The following AKR1C4 variants were observed in gnomAD, a reference collection of about 807,000 sequenced individuals.
AKR1C4 encodes 3-alpha-HSD1.
Under a neutral mutation model 41.0 loss-of-function variants are expected in AKR1C4, and 44 were observed. The observed-to-expected ratio is 1.07, with a 90% CI of 0.84 to 1.38. AKR1C4 has a LOEUF of 1.38. Ranked by LOEUF, AKR1C4 falls within the 40% of genes most tolerant of loss-of-function variation. The pLI, the probability that AKR1C4 is intolerant of heterozygous loss-of-function variation, is 0.00. For synonymous variants in AKR1C4, 165 were observed against 137.7 expected, an observed-to-expected ratio of 1.20 and a Z score of -1.39; for missense variants, 438 against 387.9, an observed-to-expected ratio of 1.13 and a Z score of -1.09.
intron 8 of AKR1C4, among the ~76,000 whole-genome samples, chr10:5,217,022 C>A (rs1437602146): frequency 1.3e-5 from 2 of 152,212 alleles, no homozygotes; most frequent in Non-Finnish European, 2.9e-5. Flanking sequence ...TCTCCTGACT[C>A]CATGGAAATT....
intron 1 of AKR1C4, 116 bp from the exon 2 acceptor site, chr10:5,200,065 C>T: frequency 7.4e-7 from 1 of 1,358,030 alleles, no homozygotes; most frequent in East Asian, 2.4e-5. Context: ...CAGCGGGGGC[C>T]TGAAGAAGCG....
At chr10:5,201,351 TATTA>T (rs1336622712) in intron 2 of AKR1C4, among the ~76,000 whole-genome samples, 2 of 152,166 alleles carry the variant, frequency 1.3e-5, no homozygotes, top group African/African-American at 2.4e-5. Context: ...CTTCCCTGAT[TATTA>T]GTTATGTTGA....
At position 5,218,684 on chromosome 10, in the gene AKR1C4, A is replaced by G. The variant is rs567899942; in HGVS notation, c.930-34A>G. 4 of 1,529,046 alleles carry G rather than the reference A, an allele frequency of 2.6e-6. No individual in the cohort carries two copies. In the Admixed American group the frequency reaches 6.7e-5, roughly 26 times the overall value. 94.7% of individuals were successfully genotyped at this position (1,529,046 alleles called of 1,614,324 possible). ...ACCAGCTTTTTAATAGAGTCATTTC[A>G]TCCATATTTATGTACTATCCTTTCT... On this transcript the variant is annotated intron_variant, in intron 8 of 8. Coordinates refer to ENST00000263126, the MANE Select transcript of AKR1C4 (RefSeq NM_001818.5).
At chr10:5,211,090 C>A (rs537337052) in intron 5 of AKR1C4, among the ~76,000 whole-genome samples, 1 of 152,188 alleles carries the variant, frequency 6.6e-6, no homozygotes, top group Admixed American at 6.5e-5. Context: ...AGAATGGAGA[C>A]CCTGGGCCCA....
chr10:5,202,939 T>TG (rs1832423115), intron 2 of AKR1C4, among the ~76,000 whole-genome samples: 1 of 139,190 alleles, frequency 7.2e-6, no homozygotes, highest in African/African-American at 2.8e-5. Context: ...TAGTTTTCTT[T>TG]TGTGTGTGTG....
At chr10:5,212,369 T>G (rs1485796202) in intron 5 of AKR1C4, among the ~76,000 whole-genome samples, 4 of 152,200 alleles carry the variant, frequency 2.6e-5, no homozygotes, top group Non-Finnish European at 1.5e-5. Flanking sequence ...ATTGGCCATG[T>G]GCACTTCTAG....
chr10:5,200,230 G>A lies in AKR1C4; in HGVS notation c.134G>A (p.Gly45Asp), dbSNP rs1554796766. Residue 45 changes from glycine to aspartate, a missense_variant, in exon 2 of 9, where the codon GGC (glycine) becomes GAC (aspartate). Coordinates refer to ENST00000263126, the MANE Select transcript of AKR1C4 (RefSeq NM_001818.5). The stretch of plus-strand genomic sequence containing the variant: ...GTCACCAAATTAGCAATAGAAGCTG[G>A]CTTCCGCCATATTGATTCTGCTTAT... ...VEVTKLAIEAGFRHIDSAYLY... is the reference protein window; with the variant it reads ...VEVTKLAIEADFRHIDSAYLY... The A allele has an allele frequency of 6.2e-7, 1 of 1,614,180 alleles. No individual in the cohort carries two copies. Among genetic ancestry groups the A allele is most frequent in the East Asian group, 2.2e-5 (1 of 44,882 alleles).
intron 2 of AKR1C4, among the ~76,000 whole-genome samples, chr10:5,202,714 C>CT (rs1464196204): frequency 6.6e-6 from 1 of 151,838 alleles, no homozygotes; most frequent in African/African-American, 2.4e-5. Context: ...TTATTAATTG[C>CT]TTTTTTGCAT....
At chr10:5,216,096 G>A (rs1832652286) in intron 7 of AKR1C4, among the ~76,000 whole-genome samples, 1 of 152,192 alleles carries the variant, frequency 6.6e-6, no homozygotes, top group African/African-American at 2.4e-5. Flanking sequence ...GGCTCAGGAA[G>A]CATTTACTCG....
intron 3 of AKR1C4, among the ~76,000 whole-genome samples, chr10:5,205,044 G>GA (rs1291206474): frequency 3.3e-5 from 5 of 151,880 alleles, no homozygotes; most frequent in African/African-American, 7.3e-5. Context: ...TAAATTTATA[G>GA]AAAAAAAACT....
intron 1 of AKR1C4, 98 bp from the exon 2 acceptor site, chr10:5,200,082 AC>A: frequency 5.4e-6 from 8 of 1,476,644 alleles, no homozygotes; most frequent in Non-Finnish European, 7.3e-6. Context: ...AGCGAGCCAC[AC>A]CCCCACTGCA....
intron 1 of AKR1C4, among the ~76,000 whole-genome samples, chr10:5,198,852 C>T (rs572306654): frequency 6.6e-6 from 1 of 151,160 alleles, no homozygotes; most frequent in African/African-American, 2.4e-5. Context: ...AATACAAAAA[C>T]TTAACCAGGC....
In AKR1C4 at chr10:5,218,867, T is replaced by TC. The variant is rs1413711864; in HGVS notation, c.*111dup. ...GACACACAGCCTCTGGTTAAATCCCTCCCCTCCTGCTTGGCAACTTCAGCT... is the reference window on the plus strand; with the variant it reads ...GACACACAGCCTCTGGTTAAATCCCTCCCCCTCCTGCTTGGCAACTTCAGCT... On this transcript the variant is annotated 3_prime_UTR_variant, in exon 9 of 9. Transcript: ENST00000263126. The TC allele has an allele frequency of 1.9e-6, 2 of 1,053,828 alleles. 1 individual carries two copies. The highest frequency in any genetic ancestry group is 2.8e-6 in the Non-Finnish European group (2 of 708,438). 65.3% of individuals were successfully genotyped at this position (1,053,828 alleles called of 1,614,324 possible).
intron 2 of AKR1C4, among the ~76,000 whole-genome samples, chr10:5,203,580 G>A (rs1446102338): frequency 3.9e-5 from 6 of 152,196 alleles, no homozygotes; most frequent in African/African-American, 1.4e-4. Flanking sequence ...GGCACTTACA[G>A]TTTTTCATCT....
chr10:5,199,114 T>A (rs1166866051), intron 1 of AKR1C4, among the ~76,000 whole-genome samples: 5 of 152,170 alleles, frequency 3.3e-5, no homozygotes, highest in Non-Finnish European at 7.4e-5. Flanking sequence ...ATGCTAGTGA[T>A]TAACCAGTAA....
rs548033005 is a variant in AKR1C4, at chr10:5,216,589, A to C, written c.847-122A>C. 5 of 647,532 alleles carry C rather than the reference A, an allele frequency of 7.7e-6. No homozygotes were observed. In the South Asian group the frequency reaches 9.8e-5, roughly 13 times the overall value. The allele number at this position is 647,532 out of a possible 1,614,324, so 40.1% of individuals were successfully genotyped here. ...GAGAGTTTAGAGATGGTCTTTCATAACTTTTGGAAACTTATCAAGTATTTT... is the reference window on the plus strand; with the variant it reads ...GAGAGTTTAGAGATGGTCTTTCATACCTTTTGGAAACTTATCAAGTATTTT... On this transcript the variant is annotated intron_variant, in intron 7 of 8. Coordinates refer to ENST00000263126, the MANE Select transcript of AKR1C4 (RefSeq NM_001818.5).
Position 5,212,679 on chromosome 10 carries a change from G to T in AKR1C4, c.634G>T (p.Val212Phe). 3.1e-6 allele frequency: 5 copies of T among 1,614,056 alleles called. No homozygotes were observed. The highest frequency in any genetic ancestry group is 4.2e-6 in the Non-Finnish European group (5 of 1,179,984). The change falls in exon 6 of 9, where the codon GTT becomes TTT. Residue 212 changes from valine (V) to phenylalanine (F), a missense_variant. Physicochemically the swap from Val to Phe is conservative, Grantham distance 50 (BLOSUM62 -1). Coordinates refer to ENST00000263126, the MANE Select transcript of AKR1C4 (RefSeq NM_001818.5). ...GGATTTCTGCAAGTCAAAAGACATT[G>T]TTCTGGTTGCCCACAGTGCTCTGGG... ...LLDFCKSKDI[V>F]LVAHSALGTQ...
intron 7 of AKR1C4, among the ~76,000 whole-genome samples, chr10:5,214,534 G>T (rs17134588): frequency 2.0e-5 from 3 of 152,110 alleles, no homozygotes; most frequent in African/African-American, 7.2e-5. Flanking sequence ...TCCAGTTTAC[G>T]ACCATAGACC....
chr10:5,209,033 G>C (rs1262385107), intron 5 of AKR1C4, among the ~76,000 whole-genome samples: 1 of 152,108 alleles, frequency 6.6e-6, no homozygotes, highest in Non-Finnish European at 1.5e-5. Flanking sequence ...TTATATCATA[G>C]AAGTTAAACA....
Sources: gnomAD v4.1 joint callset for allele counts (sites outside exome capture counted in the v4.1 genomes callset) on GRCh38, gnomAD v4.1.1 for gene constraint, MANE v1.5 for transcripts, NCBI Gene and HGNC (gene_info 2026-07-23, HGNC 2026-07-21) for gene names.